Variants in ENPP3 observed in about 807,000 individuals in gnomAD.
ENPP3 encodes ectonucleotide pyrophosphatase/phosphodiesterase 3.
A neutral mutation model predicts 117.8 loss-of-function variants in ENPP3; 104 were observed. The ratio of observed to expected loss-of-function variants is 0.88; its 90% CI spans 0.75 to 1.04. ENPP3 has a LOEUF of 1.04. Ranked by LOEUF, ENPP3 falls within the 50% of genes least tolerant of loss-of-function variation. The pLI is 0.00. For missense variants in ENPP3, 1,026 were observed against 1,051.9 expected, an observed-to-expected ratio of 0.98 and a Z score of 0.34; for synonymous variants, 380 against 349.9, an observed-to-expected ratio of 1.09 and a Z score of -0.96.
intron 20 of ENPP3, among the ~76,000 whole-genome samples, chr6:131,732,061 T>G (rs1263135276): frequency 6.6e-6 from 1 of 152,230 alleles, no homozygotes; most frequent in Non-Finnish European, 1.5e-5. Flanking sequence ...TGCCTCTTCC[T>G]TTGTGAATTG....
chr6:131,743,612 C>T (rs1329155839), intron 24 of ENPP3, among the ~76,000 whole-genome samples: 1 of 151,972 alleles, frequency 6.6e-6, no homozygotes, highest in Non-Finnish European at 1.5e-5. Context: ...GGCACATCAC[C>T]TGAGGTCAGG....
chr6:131,674,654 C>A (rs754661221), intron 8 of ENPP3, among the ~76,000 whole-genome samples: 5 of 150,252 alleles, frequency 3.3e-5, no homozygotes, highest in Non-Finnish European at 7.4e-5. Flanking sequence ...CTTACTGTAA[C>A]CTCTGCTTCT....
In ENPP3 at chr6:131,737,395, T is replaced by C; in HGVS notation, c.2130T>C (p.Ile710=). ...CAGATAGCCAATATGATGCTTTAAT[T>C]ACTAGCAATTTGGTACCTATGTATG... The part of the protein sequence containing the change: ...RTSDSQYDAL[I]TSNLVPMYEE... Residue 710 remains isoleucine, a synonymous_variant, in exon 22 of 25, where the codon ATT becomes ATC. Coordinates refer to ENST00000357639, the MANE Select transcript of ENPP3 (RefSeq NM_005021.5). 1 of 1,608,042 alleles carries C rather than the reference T, an allele frequency of 6.2e-7. No individual in the cohort carries two copies. The highest frequency in any genetic ancestry group is 8.5e-7 in the Non-Finnish European group (1 of 1,175,438).
Position 131,668,218 on chromosome 6 carries a change from T to G in ENPP3, c.563-3030T>G, listed in dbSNP as rs564443632. ...AGTCTCGCTCTGCGTTTTTTTTTTT[T>G]TTTTTTTTTTTTGAGATGGAGTCTT... On this transcript the variant is annotated intron_variant, in intron 6 of 24. Coordinates refer to ENST00000357639, the MANE Select transcript of ENPP3 (RefSeq NM_005021.5). 2.9e-4 allele frequency among the ~76,000 whole-genome samples: 41 copies of G among 142,724 alleles called. No individual in the cohort carries two copies. The East Asian group carries it at 3.6e-3, about 13-fold the overall frequency. The allele number at this position is 142,724 out of a possible 152,430, so 93.6% of individuals were successfully genotyped here. A position where few individuals can be genotyped will look rare whatever the true frequency, so the allele number is the denominator to read the frequency against.
At chr6:131,684,081 A>G (rs1260847581) in intron 12 of ENPP3, among the ~76,000 whole-genome samples, 2 of 152,034 alleles carry the variant, frequency 1.3e-5, no homozygotes, top group Non-Finnish European at 2.9e-5. Context: ...TGCCTACTCA[A>G]TGATAGGTAC....
chr6:131,717,354 GTGT>G (rs1562470353), intron 15 of ENPP3, among the ~76,000 whole-genome samples: 1,120 of 8,444 alleles, frequency 0.13, 16 homozygotes, highest in African/African-American at 0.18. Flanking sequence ...TGCGGGGGGT[GTGT>G]GTGTGTGTGT....
chr6:131,717,902 T>C (rs2114520968), intron 15 of ENPP3, among the ~76,000 whole-genome samples: 1 of 152,324 alleles, frequency 6.6e-6, no homozygotes, highest in Admixed American at 6.5e-5. Context: ...ACACAAATCC[T>C]TACCATTGTG....
intron 3 of ENPP3, 65 bp downstream of exon 3, chr6:131,650,214 TTTTTC>T: frequency 1.3e-6 from 2 of 1,586,214 alleles, no homozygotes; most frequent in South Asian, 2.2e-5. Flanking sequence ...ATGTCAAATT[TTTTTC>T]TTTTCTTTCC....
chr6:131,714,031 A>T (rs1368762131), intron 15 of ENPP3, among the ~76,000 whole-genome samples: 1 of 150,100 alleles, frequency 6.7e-6, no homozygotes, highest in Non-Finnish European at 1.5e-5. Flanking sequence ...CACTAACATT[A>T]GCCTACAGTT....
At chr6:131,658,565 T>C in intron 6 of ENPP3, 145 bp downstream of exon 6, 1 of 566,730 alleles carries the variant, frequency 1.8e-6, no homozygotes, top group Non-Finnish European at 3.1e-6. Context: ...TGGTTTCTAC[T>C]TTCATTCGGA....
chr6:131,662,340 G>C (rs1333350881), intron 6 of ENPP3, among the ~76,000 whole-genome samples: 1 of 152,006 alleles, frequency 6.6e-6, no homozygotes, highest in Non-Finnish European at 1.5e-5. Context: ...TGCCTCCCAG[G>C]CTTAAGCAAT....
chr6:131,722,370 G>A lies in ENPP3; in HGVS notation c.1711G>A (p.Glu571Lys). 1 of 1,614,064 alleles carries A rather than the reference G, an allele frequency of 6.2e-7. No homozygotes were observed. Among genetic ancestry groups the A allele is most frequent in the Non-Finnish European group, 8.5e-7 (1 of 1,179,972 alleles). ...VCGFANPLPT[E>K]SLDCFCPHLQ... The stretch of plus-strand genomic sequence containing the variant: ...TGGCTTTGCTAATCCATTGCCCACA[G>A]AGTCTCTTGACTGTTTCTGCCCTCA... The change falls in exon 18 of 25, where the codon GAG becomes AAG. Residue 571 changes from glutamate (E) to lysine (K), a missense_variant. Glu to Lys is a moderately conservative substitution (Grantham distance 56, BLOSUM62 1). Transcript: ENST00000357639.
chr6:131,739,559 C>T (rs920890119), intron 23 of ENPP3, among the ~76,000 whole-genome samples: 10 of 146,548 alleles, frequency 6.8e-5, no homozygotes, highest in African/African-American at 2.0e-4. Flanking sequence ...GTCAACAAAA[C>T]GAGGAAATGC....
At chr6:131,640,964 T>G (rs1159869781) in intron 1 of ENPP3, among the ~76,000 whole-genome samples, 1 of 152,220 alleles carries the variant, frequency 6.6e-6, no homozygotes, top group African/African-American at 2.4e-5. Flanking sequence ...TAGTTAACTA[T>G]TTGGACAATG....
At chr6:131,723,521 T>C (rs970342288) in intron 18 of ENPP3, among the ~76,000 whole-genome samples, 1 of 152,194 alleles carries the variant, frequency 6.6e-6, no homozygotes, top group African/African-American at 2.4e-5. Context: ...AAGCTTGTTC[T>C]ATCTGGCTGC....
At chr6:131,735,988 A>T (rs1780389298) in intron 21 of ENPP3, among the ~76,000 whole-genome samples, 1 of 152,248 alleles carries the variant, frequency 6.6e-6, no homozygotes, top group Non-Finnish European at 1.5e-5. Context: ...TCTTACCAAA[A>T]TGAAATCAAA....
chr6:131,663,774 T>G (rs916984519), intron 6 of ENPP3, among the ~76,000 whole-genome samples: 2 of 152,090 alleles, frequency 1.3e-5, no homozygotes, highest in Non-Finnish European at 2.9e-5. Flanking sequence ...CATATTTTTG[T>G]GGTGATGCTG....
At chr6:131,638,476 T>C in intron 1 of ENPP3, 1 of 454,036 alleles carries the variant, frequency 2.2e-6, no homozygotes, top group Non-Finnish European at 4.4e-6. Context: ...GGATCTCACC[T>C]CACCACAACC....
At chr6:131,736,811 G>A (rs1051116280) in intron 21 of ENPP3, among the ~76,000 whole-genome samples, 2 of 152,274 alleles carry the variant, frequency 1.3e-5, no homozygotes, top group African/African-American at 4.8e-5. Flanking sequence ...TTATCTCACA[G>A]TTCTGGAGGT....
Sources: allele counts gnomAD v4.1 joint callset (sites outside exome capture counted in the v4.1 genomes callset), GRCh38; gene constraint gnomAD v4.1.1; transcripts MANE v1.5; gene names NCBI Gene and HGNC (gene_info 2026-07-23, HGNC 2026-07-21).